Variants in CFAP47 observed in about 807,000 individuals in gnomAD.
The protein encoded by CFAP47 is cilia and flagella associated protein 47.
A neutral mutation model predicts 148.1 loss-of-function variants in CFAP47; 29 were observed. The observed-to-expected ratio is 0.20, with a 90% confidence interval of 0.15 to 0.27. CFAP47 has a LOEUF of 0.27. CFAP47 is among the 10% of genes least tolerant of loss of function. CFAP47 has a pLI of 1.00. For synonymous variants in CFAP47, 664 were observed against 577.3 expected (o/e 1.15, Z -2.15); for missense variants, 1,872 against 1,697.5 (o/e 1.10, Z -1.81).
chrX:36,076,435 T>TA (rs1220371242), intron 29 of CFAP47, among the ~76,000 whole-genome samples: 4 of 105,356 alleles, frequency 3.8e-5, no homozygotes, highest in African/African-American at 1.4e-4. Context: ...CCATTCTGAC[T>TA]GGTGTGAGAT....
chrX:36,213,209 T>G (rs192479514), intron 45 of CFAP47, among the ~76,000 whole-genome samples: 1 of 112,118 alleles, frequency 8.9e-6, no homozygotes, highest in Admixed American at 9.5e-5. Context: ...TATATGTTTC[T>G]AATTGCTGTA....
intron 4 of CFAP47, 44 bp from the exon 5 acceptor site, chrX:35,951,087 C>A (rs1470737919): frequency 2.2e-6 from 2 of 930,011 alleles, no homozygotes; most frequent in East Asian, 3.2e-5. Context: ...ATATAGAATT[C>A]TAATTAAAAT....
At chrX:36,383,740 T>C (rs1942100871) in intron 63 of CFAP47, among the ~76,000 whole-genome samples, 4 of 110,903 alleles carry the variant, frequency 3.6e-5, no homozygotes, top group Admixed American at 9.6e-5. Context: ...GCACTTAATA[T>C]TAATTGACAG....
chrX:35,984,699 C>T (rs1051691801), intron 15 of CFAP47, among the ~76,000 whole-genome samples: 3 of 111,689 alleles, frequency 2.7e-5, no homozygotes, highest in African/African-American at 6.5e-5. Context: ...TCCTTAATTT[C>T]ATTTTTTACC....
intron 27 of CFAP47, among the ~76,000 whole-genome samples, chrX:36,071,552 A>G (rs1219853324): frequency 1.8e-5 from 2 of 112,292 alleles, no homozygotes; most frequent in African/African-American, 6.5e-5. Context: ...AACATTGTTC[A>G]TTCTCTAATA....
At chrX:35,976,379 C>T (rs1053182086) in intron 15 of CFAP47, among the ~76,000 whole-genome samples, 6 of 110,947 alleles carry the variant, frequency 5.4e-5, no homozygotes, top group Non-Finnish European at 9.4e-5. Context: ...GAGACCCACC[C>T]GCATTATGAA....
At chrX:36,064,277 A>C (rs1355809823) in intron 26 of CFAP47, among the ~76,000 whole-genome samples, 1 of 111,956 alleles carries the variant, frequency 8.9e-6, no homozygotes, top group Non-Finnish European at 1.9e-5. Context: ...TCATATGGTA[A>C]AAATTACATA....
intron 63 of CFAP47, among the ~76,000 whole-genome samples, chrX:36,382,632 C>T (rs2147009896): frequency 9.0e-6 from 1 of 111,201 alleles, no homozygotes; most frequent in African/African-American, 3.3e-5. Flanking sequence ...TTAATGGAAA[C>T]TCGGGAAATA....
intron 29 of CFAP47, among the ~76,000 whole-genome samples, chrX:36,076,701 G>A (rs1242922766): frequency 9.0e-6 from 1 of 111,306 alleles, no homozygotes; most frequent in Non-Finnish European, 1.9e-5. Flanking sequence ...TGTTTACTCT[G>A]TTAATAGTTT....
At chrX:35,944,770 C>T (rs761887863) in intron 3 of CFAP47, among the ~76,000 whole-genome samples, 120 of 111,643 alleles carry the variant, frequency 1.1e-3, no homozygotes, top group African/African-American at 3.7e-3. Flanking sequence ...ATTTGCTTCT[C>T]TAGAGAAGAT....
chrX:36,113,750 A>G (rs1015538173), intron 33 of CFAP47, among the ~76,000 whole-genome samples: 1 of 109,580 alleles, frequency 9.1e-6, no homozygotes, highest in Non-Finnish European at 1.9e-5. Flanking sequence ...TGGTCTTTTT[A>G]TATAATCCCA....
chrX:36,001,493 A>G (rs1243320533), intron 20 of CFAP47, 120 bp from the exon 21 acceptor site: 1 of 263,525 alleles, frequency 3.8e-6, no homozygotes, highest in African/African-American at 2.8e-5. Context: ...CAATTTTGCT[A>G]ATTAGAATCT....
chrX:36,373,868 T>C (rs1184742519), intron 62 of CFAP47, among the ~76,000 whole-genome samples: 3 of 112,253 alleles, frequency 2.7e-5, no homozygotes, highest in Non-Finnish European at 5.6e-5. Flanking sequence ...ATCACGTTGA[T>C]TGATTTGCAT....
intron 24 of CFAP47, among the ~76,000 whole-genome samples, chrX:36,037,356 G>T (rs1034939038): frequency 1.8e-5 from 2 of 110,116 alleles, no homozygotes; most frequent in African/African-American, 6.6e-5. Context: ...TGTTGTTGTT[G>T]TTGTTGTTGT....
chrX:36,184,019 A>G (rs1939779623), intron 40 of CFAP47, among the ~76,000 whole-genome samples: 1 of 110,917 alleles, frequency 9.0e-6, no homozygotes, highest in Non-Finnish European at 1.9e-5. Context: ...AATAAGTCAC[A>G]TATCTGGCCC....
At chrX:36,067,350 T>A (rs145561834) in intron 27 of CFAP47, among the ~76,000 whole-genome samples, 1,782 of 111,425 alleles carry the variant, frequency 0.016, 42 homozygotes, top group African/African-American at 0.055. Flanking sequence ...TCTGACATTT[T>A]TTTCTCTATA....
At chrX:36,255,668 T>C (rs1555998891) in intron 49 of CFAP47, among the ~76,000 whole-genome samples, 1 of 111,788 alleles carries the variant, frequency 8.9e-6, no homozygotes, top group African/African-American at 3.3e-5. Flanking sequence ...ATATCATTAG[T>C]GCATTGTAGT....
Position 35,919,928 on chromosome X carries a change from C to T in CFAP47, c.129C>T (p.Ile43=), listed in dbSNP as rs6629019. The part of the protein sequence containing the change: ...SSGRDMQLRV[I]PAEVKFLDTM... Reference sequence around the variant, plus strand: ...GTAGAGACATGCAGCTGCGGGTGATCCCGGCTGAGGTGAAGTTCCTGGACA... The same window carrying T: ...GTAGAGACATGCAGCTGCGGGTGATTCCGGCTGAGGTGAAGTTCCTGGACA... Residue 43 remains isoleucine, a synonymous_variant, in exon 1 of 64, where the codon ATC becomes ATT. Coordinates refer to ENST00000378653, the MANE Select transcript of CFAP47 (RefSeq NM_001304548.2). 157,861 of 1,207,735 alleles carry T rather than the reference C, an allele frequency of 0.13. 7,597 individuals carry two copies. Among genetic ancestry groups the T allele is most frequent in the Admixed American group, 0.25 (11,228 of 45,456 alleles).
At chrX:36,244,391 G>A (rs1380190654) in intron 48 of CFAP47, among the ~76,000 whole-genome samples, 1 of 110,636 alleles carries the variant, frequency 9.0e-6, no homozygotes, top group Non-Finnish European at 1.9e-5. Flanking sequence ...AATTAGAGAA[G>A]AACTAAATGA....
Sources: gnomAD v4.1 joint callset for allele counts (sites outside exome capture counted in the v4.1 genomes callset) on GRCh38, gnomAD v4.1.1 for gene constraint, MANE v1.5 for transcripts, NCBI Gene and HGNC (gene_info 2026-07-23, HGNC 2026-07-21) for gene names.